HS2ST1: variants seen among roughly 807,000 people sequenced by gnomAD.
HS2ST1 encodes 2-O-sulfotransferase.
HS2ST1 carries 18 observed loss-of-function variants against 42.9 expected under a neutral mutation model. That is an observed-to-expected ratio of 0.42 (90% CI 0.29 to 0.62). The LOEUF (loss-of-function observed/expected upper bound fraction) is 0.62, where lower values mean the gene tolerates loss of function less well. HS2ST1 is among the 20% of genes least tolerant of loss of function. The pLI, the probability that HS2ST1 is intolerant of heterozygous loss-of-function variation, is 0.21. For missense variants in HS2ST1, 334 were observed against 433.8 expected (o/e 0.77, Z 2.04); for synonymous variants, 146 against 152.9 (o/e 0.95, Z 0.33).
intron 1 of HS2ST1, among the ~76,000 whole-genome samples, chr1:86,983,725 C>T (rs953677431): frequency 2.0e-5 from 3 of 149,224 alleles, no homozygotes; most frequent in Non-Finnish European, 3.0e-5. Flanking sequence ...GGAGAGGGGA[C>T]GGGGTGCTTA....
chr1:87,104,648 C>T lies in HS2ST1; in HGVS notation c.1023C>T (p.Ile341=), dbSNP rs781539571. The change falls in exon 7 of 7, where the codon ATC becomes ATT. Residue 341 remains isoleucine, a synonymous_variant. Transcript: ENST00000370550. ...GAGAAAAAGATGGAGACCTCTACAT[C>T]CTCGCACAAAACTTTTTCTATGAAA... is the stretch of plus-strand genomic sequence containing the variant. ...AVREKDGDLY[I]LAQNFFYEKI... is the part of the protein sequence containing the mutation. 15 of 1,613,456 alleles carry T rather than the reference C, an allele frequency of 9.3e-6. No homozygotes were observed. In the South Asian group the frequency reaches 1.6e-4, roughly 18 times the overall value.
Position 87,045,156 on chromosome 1 carries a change from A to G in HS2ST1, c.125-27778A>G, listed in dbSNP as rs949255825. 7 of 865,384 alleles carry G rather than the reference A, an allele frequency of 8.1e-6. No individual in the cohort carries two copies. The African/African-American group carries it at 9.9e-5, about 12-fold the overall frequency. 53.6% of individuals were successfully genotyped at this position (865,384 alleles called of 1,614,324 possible). On this transcript the variant is annotated intron_variant, in intron 1 of 6. Transcript: ENST00000370550. ...ACCTCCATCATTACTGCCATTGGTT[A>G]TGCTTTTGGCAGCATCTTCAGCTTG...
chr1:86,951,672 T>A (rs551789711), intron 1 of HS2ST1, among the ~76,000 whole-genome samples: 1 of 152,324 alleles, frequency 6.6e-6, no homozygotes, highest in South Asian at 2.1e-4. Flanking sequence ...CTGTGGCAAT[T>A]TCTTCAAATA....
intron 1 of HS2ST1, among the ~76,000 whole-genome samples, chr1:87,010,056 A>AAAAC (rs757812979): frequency 8.8e-4 from 4 of 4,570 alleles, no homozygotes; most frequent in East Asian, 0.1. Context: ...AAAACAAAAC[A>AAAAC]AAAAAAAAAA....
intron 3 of HS2ST1, among the ~76,000 whole-genome samples, chr1:87,090,460 C>T (rs546911317): frequency 1.8e-4 from 28 of 151,984 alleles, no homozygotes; most frequent in Non-Finnish European, 3.5e-4. Context: ...GGGAGAAAGA[C>T]TTACAGGAGA....
chr1:87,035,984 CCT>C (rs1042986889), intron 1 of HS2ST1, among the ~76,000 whole-genome samples: 5 of 152,134 alleles, frequency 3.3e-5, no homozygotes, highest in Non-Finnish European at 7.4e-5. Context: ...TCTTCCACCC[CCT>C]GACAGGCCCC....
chr1:86,933,706 A>ATTTT (rs58580477), intron 1 of HS2ST1, among the ~76,000 whole-genome samples: 5 of 129,196 alleles, frequency 3.9e-5, no homozygotes, highest in African/African-American at 5.9e-5. Flanking sequence ...ATGCCTTGTA[A>ATTTT]TTTTTTTTTT....
intron 1 of HS2ST1, among the ~76,000 whole-genome samples, chr1:87,002,787 C>G (rs181313837): frequency 6.6e-6 from 1 of 152,072 alleles, no homozygotes; most frequent in South Asian, 2.1e-4. Flanking sequence ...ACCTACAACC[C>G]TGAAAATCCT....
chr1:87,029,177 A>G (rs950419250), intron 1 of HS2ST1, among the ~76,000 whole-genome samples: 4 of 152,200 alleles, frequency 2.6e-5, no homozygotes, highest in African/African-American at 9.6e-5. Flanking sequence ...AATTTAGTAG[A>G]TTAGCAGACT....
intron 3 of HS2ST1, among the ~76,000 whole-genome samples, chr1:87,087,920 C>T (rs1227702092): frequency 6.6e-6 from 1 of 152,046 alleles, no homozygotes; most frequent in Non-Finnish European, 1.5e-5. Flanking sequence ...TCCTTGCTAG[C>T]TGTGTGATCT....
chr1:87,078,434 C>T (rs1395279178), intron 2 of HS2ST1, among the ~76,000 whole-genome samples: 1 of 152,162 alleles, frequency 6.6e-6, no homozygotes, highest in Non-Finnish European at 1.5e-5. Context: ...TCAAATCCAA[C>T]AAAAATCACG....
intron 1 of HS2ST1, among the ~76,000 whole-genome samples, chr1:86,932,616 C>G (rs1660566701): frequency 6.6e-6 from 1 of 152,072 alleles, no homozygotes; most frequent in African/African-American, 2.4e-5. Context: ...TGGTACCTGT[C>G]TTTTTCTCTG....
intron 1 of HS2ST1, among the ~76,000 whole-genome samples, chr1:87,049,479 A>G (rs1281955383): frequency 6.6e-6 from 1 of 151,862 alleles, no homozygotes. Context: ...TTGTTTTATT[A>G]GGTTCAAAAT....
intron 1 of HS2ST1, among the ~76,000 whole-genome samples, chr1:86,920,615 A>G (rs998164362): frequency 1.8e-4 from 27 of 152,304 alleles, no homozygotes; most frequent in African/African-American, 6.5e-4. Context: ...AGGCCTTCTA[A>G]TAGCTTTTTG....
Position 87,104,856 on chromosome 1 carries a change from C to T in HS2ST1, c.*160C>T. On this transcript the variant is annotated 3_prime_UTR_variant, in exon 7 of 7. Coordinates refer to ENST00000370550, the MANE Select transcript of HS2ST1 (RefSeq NM_012262.4). ...GTAACGTCAAGGAAGTAGATACTGG[C>T]TGGCATTGTCAGTGTTCTAAGTTTC... The T allele has an allele frequency of 1.8e-6, 1 of 562,488 alleles. No homozygotes were observed. The highest frequency in any genetic ancestry group is 3.1e-6 in the Non-Finnish European group (1 of 318,084). 34.8% of individuals were successfully genotyped at this position (562,488 alleles called of 1,614,324 possible). A position where few individuals can be genotyped will look rare whatever the true frequency, so the allele number is the denominator to read the frequency against.
chr1:87,012,923 C>G (rs952281241), intron 1 of HS2ST1, among the ~76,000 whole-genome samples: 3 of 152,176 alleles, frequency 2.0e-5, no homozygotes, highest in African/African-American at 7.2e-5. Flanking sequence ...TTTTGACTCC[C>G]TATCTTACAT....
rs143761440 is a variant in HS2ST1, at chr1:87,084,164, G to A, written c.364-30G>A. On this transcript the variant is annotated intron_variant, in intron 2 of 6. Coordinates refer to ENST00000370550, the MANE Select transcript of HS2ST1 (RefSeq NM_012262.4). Reference sequence around the variant, plus strand: ...CATCAAATTTCATTTTCTTTAAATTGTATATAATGAATGTGTTCTCCCTTT... The same window carrying A: ...CATCAAATTTCATTTTCTTTAAATTATATATAATGAATGTGTTCTCCCTTT... The A allele has an allele frequency of 6.9e-3, 9,191 of 1,337,818 alleles. 49 individuals carry two copies. Among genetic ancestry groups the A allele is most frequent in the Non-Finnish European group, 8.2e-3 (7,836 of 960,516 alleles). 82.9% of individuals were successfully genotyped at this position (1,337,818 alleles called of 1,614,324 possible).
intron 1 of HS2ST1, among the ~76,000 whole-genome samples, chr1:87,004,545 G>A (rs1420557595): frequency 6.6e-6 from 1 of 152,044 alleles, no homozygotes; most frequent in East Asian, 1.9e-4. Flanking sequence ...GCATCATACA[G>A]CAAGTACTGT....
At chr1:87,068,350 G>T (rs897903978) in intron 1 of HS2ST1, among the ~76,000 whole-genome samples, 8 of 152,140 alleles carry the variant, frequency 5.3e-5, no homozygotes, top group African/African-American at 1.9e-4. Flanking sequence ...GTTCACTCAT[G>T]ATTTGGCTCT....
Sources: gnomAD v4.1 joint callset for allele counts (sites outside exome capture counted in the v4.1 genomes callset) on GRCh38, gnomAD v4.1.1 for gene constraint, MANE v1.5 for transcripts, NCBI Gene and HGNC (gene_info 2026-07-23, HGNC 2026-07-21) for gene names.